Variants in HYDIN observed in about 807,000 individuals in gnomAD.
HYDIN encodes HYDIN axonemal central pair apparatus protein, also known as axonemal central pair apparatus protein HYDIN.
A neutral mutation model predicts 403.9 loss-of-function variants in HYDIN; 132 were observed. The observed-to-expected ratio is 0.33, with a 90% CI of 0.28 to 0.38. HYDIN has a LOEUF of 0.38. Ranked by LOEUF, HYDIN falls within the 10% of genes least tolerant of loss-of-function variation. The probability of loss-of-function intolerance (pLI) is 1.00; values close to 1 mark genes in which losing one functional copy is unlikely to be tolerated. For missense variants in HYDIN, 2,827 were observed against 5,009.5 expected, an observed-to-expected ratio of 0.56 and a Z score of 13.15; for synonymous variants, 1,202 against 1,891.7, an observed-to-expected ratio of 0.64 and a Z score of 9.46.
intron 80 of HYDIN, among the ~76,000 whole-genome samples, chr16:70,830,534 T>C (rs1392801457): frequency 7.0e-6 from 1 of 143,322 alleles, no homozygotes; most frequent in Non-Finnish European, 1.5e-5. Flanking sequence ...CTAACAGAAC[T>C]GCTCTAGATG....
At chr16:71,049,044 AT>A (rs1341470587) in intron 18 of HYDIN, among the ~76,000 whole-genome samples, 1 of 152,276 alleles carries the variant, frequency 6.6e-6, no homozygotes, top group African/African-American at 2.4e-5. Context: ...AAGAGGCGCA[AT>A]TTTGAAAAAA....
intron 78 of HYDIN, among the ~76,000 whole-genome samples, chr16:70,834,979 T>TACAC (rs2037305646): frequency 1.1e-5 from 1 of 90,900 alleles, no homozygotes; most frequent in African/African-American, 1.4e-4. Context: ...TATGTGTGTA[T>TACAC]ATATATATAT....
chr16:71,020,633 AC>A (rs2080450128), intron 21 of HYDIN, among the ~76,000 whole-genome samples: 1 of 151,864 alleles, frequency 6.6e-6, no homozygotes, highest in Admixed American at 6.6e-5. Flanking sequence ...ACATGGTGAA[AC>A]CCCGTCTCTA....
chr16:71,013,535 T>C (rs1597544202), intron 23 of HYDIN, among the ~76,000 whole-genome samples: 1 of 150,828 alleles, frequency 6.6e-6, no homozygotes, highest in African/African-American at 2.4e-5. Context: ...CTGAGGGGAG[T>C]AGGAGCTGTG....
intron 28 of HYDIN, among the ~76,000 whole-genome samples, chr16:70,981,936 G>C (rs977350034): frequency 6.6e-6 from 1 of 152,010 alleles, no homozygotes; most frequent in Admixed American, 6.5e-5. Context: ...AGACTATCCT[G>C]GCTAACACGG....
At chr16:70,909,927 C>T (rs190274825) in intron 47 of HYDIN, among the ~76,000 whole-genome samples, 1 of 150,162 alleles carries the variant, frequency 6.7e-6, no homozygotes, top group African/African-American at 2.5e-5. Flanking sequence ...GATCTGACCT[C>T]GCGATCCACC....
At chr16:71,158,354 G>C (rs1035665844) in intron 6 of HYDIN, among the ~76,000 whole-genome samples, 1 of 152,102 alleles carries the variant, frequency 6.6e-6, no homozygotes, top group East Asian at 1.9e-4. Context: ...CCTTAGAATT[G>C]TTTCTATATT....
chr16:71,102,280 T>C (rs1423113948), intron 10 of HYDIN, among the ~76,000 whole-genome samples: 1 of 152,008 alleles, frequency 6.6e-6, no homozygotes, highest in Non-Finnish European at 1.5e-5. Flanking sequence ...AGGTTCACAG[T>C]TGTTTATCTT....
At chr16:70,871,797 G>A (rs2040122016) in intron 65 of HYDIN, among the ~76,000 whole-genome samples, 5 of 127,996 alleles carry the variant, frequency 3.9e-5, no homozygotes, top group Admixed American at 2.5e-4. Context: ...CACAGGGCCC[G>A]TTGACAGCAG....
At chr16:70,892,877 A>T (rs2143723624) in intron 55 of HYDIN, among the ~76,000 whole-genome samples, 1 of 152,336 alleles carries the variant, frequency 6.6e-6, no homozygotes, top group South Asian at 2.1e-4. Flanking sequence ...GCACATGCAG[A>T]GCGAACAGTG....
chr16:71,140,119 CATTCAA>C (rs2085113863), intron 7 of HYDIN, among the ~76,000 whole-genome samples: 1 of 105,948 alleles, frequency 9.4e-6, no homozygotes, highest in Non-Finnish European at 2.1e-5. Context: ...AAAACAATGC[CATTCAA>C]GAGTTCTACA....
intron 50 of HYDIN, among the ~76,000 whole-genome samples, chr16:70,906,106 T>C (rs960255499): frequency 1.3e-5 from 2 of 151,946 alleles, no homozygotes; most frequent in Non-Finnish European, 2.9e-5. Context: ...GTTCCAGTTT[T>C]GGTTTCACTC....
At chr16:71,016,059 T>C (rs2080248132) in intron 23 of HYDIN, among the ~76,000 whole-genome samples, 2 of 151,544 alleles carry the variant, frequency 1.3e-5, no homozygotes, top group South Asian at 4.2e-4. Flanking sequence ...TCCTACTCAG[T>C]CTGTGCTTTG....
At chr16:71,201,424 C>T (rs1213711494) in intron 1 of HYDIN, among the ~76,000 whole-genome samples, 1 of 152,160 alleles carries the variant, frequency 6.6e-6, no homozygotes, top group African/African-American at 2.4e-5. Flanking sequence ...TCCATCCCCC[C>T]AACCTCTTGC....
At chr16:71,017,781 TACC>T (rs1253007988) in intron 23 of HYDIN, among the ~76,000 whole-genome samples, 1 of 151,794 alleles carries the variant, frequency 6.6e-6, no homozygotes, top group African/African-American at 2.4e-5. Context: ...GTATATATAT[TACC>T]ACAATAAAAT....
rs1469100379 is a variant in HYDIN at position 70,805,133 on chromosome 16, TG to T, written c.*2446del. 6.6e-6 allele frequency among the ~76,000 whole-genome samples: 1 copy of T among 152,228 alleles called. No homozygotes were observed. The highest frequency in any genetic ancestry group is 1.5e-5 in the Non-Finnish European group (1 of 68,032). On this transcript the variant is annotated 3_prime_UTR_variant, in exon 86 of 86. Coordinates refer to ENST00000393567, the MANE Select transcript of HYDIN (RefSeq NM_001270974.2). ...TGAATAGGTGGAAGGAGGCACATTT[TG>T]GGGAGGGTTAATTTCATCAACTAGG...
intron 83 of HYDIN, among the ~76,000 whole-genome samples, chr16:70,820,002 A>G (rs1293585752): frequency 0.01 from 973 of 93,488 alleles, 5 homozygotes; most frequent in Admixed American, 0.018. Flanking sequence ...TTGTATTTTT[A>G]GTAGAGACGG....
At chr16:70,962,347 T>C (rs1019215202) in intron 37 of HYDIN, among the ~76,000 whole-genome samples, 14 of 150,468 alleles carry the variant, frequency 9.3e-5, no homozygotes, top group African/African-American at 2.9e-4. Flanking sequence ...ATTTTAACAT[T>C]TGTTTAGCAA....
intron 35 of HYDIN, among the ~76,000 whole-genome samples, chr16:70,971,913 A>G (rs1567928205): frequency 6.6e-6 from 1 of 152,142 alleles, no homozygotes; most frequent in Non-Finnish European, 1.5e-5. Flanking sequence ...GATGATGCAG[A>G]TATATGGATC....
Sources: allele counts gnomAD v4.1 joint callset (sites outside exome capture counted in the v4.1 genomes callset), GRCh38; gene constraint gnomAD v4.1.1; transcripts MANE v1.5; gene names NCBI Gene and HGNC (gene_info 2026-07-23, HGNC 2026-07-21).